The following ANGPT2 variants were observed in gnomAD, a reference collection of about 807,000 sequenced individuals.
ANGPT2 encodes angiopoietin-2.
A neutral mutation model predicts 62.9 loss-of-function variants in ANGPT2; 28 were observed. That is an observed-to-expected ratio of 0.44 (90% CI 0.33 to 0.61). ANGPT2 has a LOEUF of 0.61. ANGPT2 is among the 20% of genes least tolerant of loss of function. The pLI is 0.03. For synonymous variants in ANGPT2, 284 were observed against 207.8 expected (o/e 1.37, Z -3.15); for missense variants, 727 against 594.9 (o/e 1.22, Z -2.31).
intron 8 of ANGPT2, among the ~76,000 whole-genome samples, chr8:6,505,309 AAC>A (rs1563305970): frequency 4.3e-4 from 23 of 53,568 alleles, no homozygotes; most frequent in African/African-American, 6.5e-4. Flanking sequence ...ATATGTATAT[AAC>A]ATATATATGT....
chr8:6,516,442 G>GT (rs1369092960), intron 5 of ANGPT2, among the ~76,000 whole-genome samples: 2 of 151,974 alleles, frequency 1.3e-5, no homozygotes, highest in South Asian at 2.1e-4. Flanking sequence ...TTCCTGTTAT[G>GT]TTTTTTTTCC....
chr8:6,545,574 G>A (rs963726716), intron 1 of ANGPT2, among the ~76,000 whole-genome samples: 1 of 152,136 alleles, frequency 6.6e-6, no homozygotes, highest in South Asian at 2.1e-4. Flanking sequence ...ATCTGATGAG[G>A]GTTAAAATGT....
At chr8:6,504,411 C>T (rs1812859321) in intron 8 of ANGPT2, among the ~76,000 whole-genome samples, 1 of 152,026 alleles carries the variant, frequency 6.6e-6, no homozygotes, top group Admixed American at 6.6e-5. Flanking sequence ...TTCATCCCTC[C>T]CAGAACATGA....
chr8:6,499,849 C>G lies in ANGPT2; in HGVS notation c.*3252G>C. ...ATAAATCTGCTTGTTGTGTCACTTG[C>G]AGGTGCTATGGTCTTTAGAATTGGG... On this transcript the variant is annotated 3_prime_UTR_variant, in exon 9 of 9. Transcript: ENST00000629816. 6.2e-7 allele frequency: 1 copy of G among 1,612,496 alleles called. No homozygotes were observed. The highest frequency in any genetic ancestry group is 8.5e-7 in the Non-Finnish European group (1 of 1,179,532).
chr8:6,499,968 G>T lies in ANGPT2; in HGVS notation c.*3133C>A. On this transcript the variant is annotated 3_prime_UTR_variant, in exon 9 of 9. Transcript: ENST00000629816. The stretch of plus-strand genomic sequence containing the variant: ...TGTTTTACGATGGTAAATGCAGTTT[G>T]CTGTTCTCAAGAAATTATTATAAAC... The T allele has an allele frequency of 1.3e-6, 2 of 1,552,718 alleles. No homozygotes were observed. Among genetic ancestry groups the T allele is most frequent in the African/African-American group, 1.4e-5 (1 of 73,796 alleles).
intron 8 of ANGPT2, among the ~76,000 whole-genome samples, chr8:6,505,244 ATATTCTT>A (rs1586180861): frequency 2.6e-5 from 3 of 116,268 alleles, no homozygotes; most frequent in East Asian, 4.4e-4. Flanking sequence ...TATAGAATAT[ATATTCTT>A]TATATATGTT....
chr8:6,524,290 A>G (rs1177309140), intron 3 of ANGPT2, among the ~76,000 whole-genome samples: 1 of 152,210 alleles, frequency 6.6e-6, no homozygotes, highest in African/African-American at 2.4e-5. Flanking sequence ...TTTTCTGTCT[A>G]CTAACAAGTT....
intron 1 of ANGPT2, among the ~76,000 whole-genome samples, chr8:6,542,430 C>A (rs567089907): frequency 6.6e-6 from 1 of 152,046 alleles, no homozygotes; most frequent in South Asian, 2.1e-4. Flanking sequence ...GCTTGGTGGG[C>A]AATGGCGGGA....
At chr8:6,514,594 A>G (rs1815866092) in intron 6 of ANGPT2, 83 bp downstream of exon 6, 1 of 1,221,232 alleles carries the variant, frequency 8.2e-7, no homozygotes, top group Non-Finnish European at 1.2e-6. Context: ...TTAGTTTGGG[A>G]TTGGTGGTTA....
At chr8:6,539,907 C>G (rs1304922169) in intron 1 of ANGPT2, among the ~76,000 whole-genome samples, 8 of 152,194 alleles carry the variant, frequency 5.3e-5, no homozygotes, top group Admixed American at 5.2e-4. Flanking sequence ...TTATGAGTGA[C>G]TATCTGATAC....
At chr8:6,505,293 A>ATGTTT (rs1563305690) in intron 8 of ANGPT2, among the ~76,000 whole-genome samples, 4,527 of 69,170 alleles carry the variant, frequency 0.065, 882 homozygotes, top group African/African-American at 0.22. Flanking sequence ...TATGTTATAT[A>ATGTTT]CATATATATG....
chr8:6,544,011 C>G (rs1422047563), intron 1 of ANGPT2, among the ~76,000 whole-genome samples: 1 of 152,154 alleles, frequency 6.6e-6, no homozygotes, highest in Non-Finnish European at 1.5e-5. Context: ...TAGATCTGAT[C>G]AGCAGTAGAA....
chr8:6,533,575 T>TC (rs1554438364), intron 1 of ANGPT2, among the ~76,000 whole-genome samples: 3 of 124,036 alleles, frequency 2.4e-5, no homozygotes, highest in Admixed American at 2.2e-4. Flanking sequence ...GTTTCTTTTT[T>TC]TTTTTTTTTT....
intron 5 of ANGPT2, among the ~76,000 whole-genome samples, chr8:6,516,367 AG>A (rs1457215332): frequency 6.6e-6 from 1 of 152,172 alleles, no homozygotes; most frequent in African/African-American, 2.4e-5. Context: ...GATTTAGCAA[AG>A]TTCGATTTTG....
At chr8:6,512,870 C>T (rs1055571783) in intron 7 of ANGPT2, among the ~76,000 whole-genome samples, 1 of 152,192 alleles carries the variant, frequency 6.6e-6, no homozygotes, top group African/African-American at 2.4e-5. Context: ...TAGAGGAGAG[C>T]AGAGTTGACT....
intron 8 of ANGPT2, among the ~76,000 whole-genome samples, chr8:6,505,826 TA>T (rs1354502217): frequency 1.4e-5 from 2 of 140,306 alleles, no homozygotes; most frequent in Non-Finnish European, 3.0e-5. Flanking sequence ...TATGTATATA[TA>T]AAAACATGCA....
chr8:6,530,909 C>A (rs1819381412), intron 2 of ANGPT2, among the ~76,000 whole-genome samples: 1 of 152,216 alleles, frequency 6.6e-6, no homozygotes, highest in Non-Finnish European at 1.5e-5. Context: ...CATGTCCTCT[C>A]CTGGCTGACG....
chr8:6,522,530 T>G (rs1449762731), intron 3 of ANGPT2, among the ~76,000 whole-genome samples: 1 of 152,000 alleles, frequency 6.6e-6, no homozygotes, highest in Non-Finnish European at 1.5e-5. Context: ...TCCCAGCACT[T>G]TGGAAGGCTG....
At chr8:6,525,267 G>A (rs2442615) in intron 3 of ANGPT2, among the ~76,000 whole-genome samples, 11,431 of 152,182 alleles carry the variant, frequency 0.075, 515 homozygotes, top group African/African-American at 0.12. Flanking sequence ...AAATTAGTAT[G>A]TAATTTTGGA....
Sources: gnomAD v4.1 joint callset for allele counts (sites outside exome capture counted in the v4.1 genomes callset) on GRCh38, gnomAD v4.1.1 for gene constraint, MANE v1.5 for transcripts, NCBI Gene and HGNC (gene_info 2026-07-23, HGNC 2026-07-21) for gene names.